Variants in USP34 observed in about 807,000 individuals in gnomAD.
USP34 encodes ubiquitin specific peptidase 34.
Under a neutral mutation model 460.3 loss-of-function variants are expected in USP34, and 70 were observed. The ratio of observed to expected loss-of-function variants is 0.15; its 90% CI spans 0.13 to 0.19. The LOEUF is 0.19. Ranked by LOEUF, USP34 falls within the 10% of genes least tolerant of loss-of-function variation. The pLI, the probability that USP34 is intolerant of heterozygous loss-of-function variation, is 1.00. For synonymous variants in USP34, 1,647 were observed against 1,405.3 expected (o/e 1.17, Z -3.85); for missense variants, 3,985 against 4,236.2 (o/e 0.94, Z 1.65).
intron 41 of USP34, among the ~76,000 whole-genome samples, chr2:61,272,791 T>G (rs1053414496): frequency 2.6e-5 from 4 of 152,088 alleles, no homozygotes; most frequent in Admixed American, 2.0e-4. Flanking sequence ...AACAACTAAC[T>G]TAACATTATT....
chr2:61,368,268 C>T (rs909400520), intron 10 of USP34, among the ~76,000 whole-genome samples: 2 of 152,112 alleles, frequency 1.3e-5, no homozygotes, highest in Admixed American at 6.6e-5. Context: ...CCGGTCTCTA[C>T]TAAAAACACA....
intron 21 of USP34, among the ~76,000 whole-genome samples, chr2:61,319,661 A>C (rs1435518073): frequency 6.6e-6 from 1 of 152,124 alleles, no homozygotes; most frequent in East Asian, 1.9e-4. Flanking sequence ...CCTGGCCAAC[A>C]TGGTGAAACG....
At position 61,348,086 on chromosome 2, in the gene USP34, C is replaced by T. The variant is rs1341841485; in HGVS notation, c.2069G>A (p.Arg690Gln). The T allele has an allele frequency of 4.3e-6, 7 of 1,614,188 alleles. No homozygotes were observed. Among genetic ancestry groups the T allele is most frequent in the South Asian group, 3.3e-5 (3 of 91,076 alleles). Reference protein sequence around the residue: ...ESLPSVDNRMRMLDACSHSED... With the variant: ...ESLPSVDNRMQMLDACSHSED... ...AGAGTGTGAACAAGCATCCAGCATTCGCATTCGATTATCTACTGATGGCAA... is the reference window on the plus strand; with the variant it reads ...AGAGTGTGAACAAGCATCCAGCATTTGCATTCGATTATCTACTGATGGCAA... The change falls in exon 15 of 80, where the codon CGA becomes CAA. Residue 690 changes from arginine (R) to glutamine (Q), a missense_variant. Physicochemically the swap from Arg to Gln is conservative, Grantham distance 43 (BLOSUM62 1). Transcript: ENST00000398571.
intron 62 of USP34, 122 bp downstream of exon 62, chr2:61,226,945 A>G: frequency 8.8e-7 from 1 of 1,130,246 alleles, no homozygotes; most frequent in Non-Finnish European, 1.2e-6. Context: ...AAAGCTAGTG[A>G]ATAACAATTA....
chr2:61,297,646 G>C (rs996605438), intron 29 of USP34, among the ~76,000 whole-genome samples: 2 of 152,158 alleles, frequency 1.3e-5, no homozygotes, highest in Non-Finnish European at 1.5e-5. Flanking sequence ...TGATTCTTTG[G>C]TATAACATGG....
intron 10 of USP34, among the ~76,000 whole-genome samples, chr2:61,356,892 A>C (rs59477558): frequency 6.6e-6 from 1 of 152,210 alleles, no homozygotes; most frequent in Non-Finnish European, 1.5e-5. Context: ...AAGTGTTTTC[A>C]TAAGTTTACT....
intron 21 of USP34, among the ~76,000 whole-genome samples, chr2:61,324,434 CTAT>C (rs931127052): frequency 9.2e-5 from 14 of 152,066 alleles, no homozygotes; most frequent in Middle Eastern, 3.2e-3. Context: ...TAAATAATAC[CTAT>C]CTCCAACCAA....
At chr2:61,243,247 A>G (rs535095809) in intron 51 of USP34, among the ~76,000 whole-genome samples, 1 of 152,074 alleles carries the variant, frequency 6.6e-6, no homozygotes, top group African/African-American at 2.4e-5. Flanking sequence ...CCCGGGTTCA[A>G]GCGATTCTCC....
At chr2:61,426,699 G>A (rs1477052533) in intron 1 of USP34, among the ~76,000 whole-genome samples, 1 of 152,174 alleles carries the variant, frequency 6.6e-6, no homozygotes, top group Non-Finnish European at 1.5e-5. Context: ...ACAGCACCAG[G>A]GCCTTCAGCA....
At position 61,333,914 on chromosome 2, in the gene USP34, A is replaced by G; in HGVS notation, c.2802T>C (p.Phe934=). 1 of 1,594,776 alleles carries G rather than the reference A, an allele frequency of 6.3e-7. No individual in the cohort carries two copies. Among genetic ancestry groups the G allele is most frequent in the South Asian group, 1.2e-5 (1 of 86,794 alleles). The change falls in exon 19 of 80, where the codon TTT becomes TTC. Residue 934 remains phenylalanine (F), a synonymous_variant. Coordinates refer to ENST00000398571, the MANE Select transcript of USP34 (RefSeq NM_014709.4). Reference sequence around the variant, plus strand: ...TCCAGTGTGTATCGTAACTGCTCCCAAACTGCTGAAAAGTACCAAATAGTT... The same window carrying G: ...TCCAGTGTGTATCGTAACTGCTCCCGAACTGCTGAAAAGTACCAAATAGTT... ...LPKLFGTFQQ[F]GSSYDTHWIT... is the part of the protein sequence containing the mutation.
At chr2:61,429,243 C>A (rs1176875581) in intron 1 of USP34, among the ~76,000 whole-genome samples, 3 of 151,880 alleles carry the variant, frequency 2.0e-5, no homozygotes, top group Non-Finnish European at 4.4e-5. Context: ...GTCAGGAGAT[C>A]GAGACCATCC....
Position 61,194,144 on chromosome 2 carries a change from G to A in USP34, c.9509-1164C>T, listed in dbSNP as rs185573616. The A allele has an allele frequency of 2.4e-4, 240 of 985,356 alleles. No homozygotes were observed. The African/African-American group carries it at 4.1e-3, about 17-fold the overall frequency. The allele number at this position is 985,356 out of a possible 1,614,324, so 61.0% of individuals were successfully genotyped here. ...GAGAACATCCTACACAGGCAAGTCA[G>A]GTCACTCACTCAGAACTTACCAAGG... On this transcript the variant is annotated intron_variant, in intron 75 of 79. Transcript: ENST00000398571.
intron 48 of USP34, among the ~76,000 whole-genome samples, chr2:61,254,845 T>G (rs1290444358): frequency 6.6e-6 from 1 of 152,154 alleles, no homozygotes; most frequent in African/African-American, 2.4e-5. Context: ...AGAACAAGTA[T>G]AGCATTTTTT....
intron 5 of USP34, among the ~76,000 whole-genome samples, chr2:61,383,806 G>A (rs1305005535): frequency 6.6e-6 from 1 of 152,216 alleles, no homozygotes; most frequent in Non-Finnish European, 1.5e-5. Flanking sequence ...AAAGAGTATA[G>A]TACAAAACAG....
intron 18 of USP34, among the ~76,000 whole-genome samples, chr2:61,335,142 G>A (rs1454428405): frequency 1.3e-5 from 2 of 152,034 alleles, no homozygotes; most frequent in Non-Finnish European, 2.9e-5. Flanking sequence ...AGATAATTTT[G>A]GCCTGGTGAT....
chr2:61,302,081 C>G (rs1444042916), intron 27 of USP34, among the ~76,000 whole-genome samples: 1 of 152,014 alleles, frequency 6.6e-6, no homozygotes, highest in African/African-American at 2.4e-5. Flanking sequence ...ATGCCAGGCA[C>G]TAAAATGGAG....
In USP34 at chr2:61,301,084, G is replaced by A; in HGVS notation, c.3995C>T (p.Pro1332Leu). 6.2e-6 allele frequency: 10 copies of A among 1,614,046 alleles called. No individual in the cohort carries two copies. Among genetic ancestry groups the A allele is most frequent in the Non-Finnish European group, 8.5e-6 (10 of 1,180,008 alleles). Reference protein sequence around the residue: ...EGVQLPASCLPPPQKDNIPML... With the variant: ...EGVQLPASCLLPPQKDNIPML... ...TGGAATGTTGTCCTTCTGAGGGGGTGGGAGGCAAGATGCTGGCAGCTGAAC... is the reference window on the plus strand; with the variant it reads ...TGGAATGTTGTCCTTCTGAGGGGGTAGGAGGCAAGATGCTGGCAGCTGAAC... Residue 1332 changes from proline (P) to leucine (L), a missense_variant, in exon 29 of 80, where the codon CCA becomes CTA. Physicochemically the swap from Pro to Leu is moderately conservative, Grantham distance 98 (BLOSUM62 -3). Transcript: ENST00000398571.
chr2:61,311,492 G>GAA (rs761797042), intron 27 of USP34, 48 bp downstream of exon 27: 33 of 198,252 alleles, frequency 1.7e-4, no homozygotes, highest in African/African-American at 1.3e-3. Flanking sequence ...AAGAGAAAAA[G>GAA]AAAGAAAGAG....
rs1220644848 is a variant in USP34 at position 61,296,667 on chromosome 2, T to G, written c.4254+133A>C. On this transcript the variant is annotated intron_variant, in intron 30 of 79. Coordinates refer to ENST00000398571, the MANE Select transcript of USP34 (RefSeq NM_014709.4). ...ATGAACATTAAAATGCAGTGGCACT[T>G]TTTACCTACTATATGGGTAAAAACT... 1.9e-5 allele frequency: 17 copies of G among 881,764 alleles called. No homozygotes were observed. The East Asian group carries it at 4.8e-4, about 25-fold the overall frequency. 54.6% of individuals were successfully genotyped at this position (881,764 alleles called of 1,614,324 possible).
Sources: allele counts gnomAD v4.1 joint callset (sites outside exome capture counted in the v4.1 genomes callset), GRCh38; gene constraint gnomAD v4.1.1; transcripts MANE v1.5; gene names NCBI Gene and HGNC (gene_info 2026-07-23, HGNC 2026-07-21).